The following PCDHGA10 variants were observed in gnomAD, a reference collection of about 807,000 sequenced individuals.
PCDHGA10 encodes protocadherin gamma subfamily A, 10.
In PCDHGA10, 42 loss-of-function variants were observed where a neutral mutation model predicts 59.5. The ratio of observed to expected loss-of-function variants is 0.71; its 90% CI spans 0.55 to 0.91. PCDHGA10 has a LOEUF of 0.91. Among genes scored for constraint, PCDHGA10 ranks in the 40% least tolerant of loss-of-function variants. The pLI is 0.00. For missense variants in PCDHGA10, 1,111 were observed against 1,198.2 expected, an observed-to-expected ratio of 0.93 and a Z score of 1.07; for synonymous variants, 511 against 517.2, an observed-to-expected ratio of 0.99 and a Z score of 0.16.
intron 1 of PCDHGA10, among the ~76,000 whole-genome samples, chr5:141,434,285 T>G (rs1358981946): frequency 6.6e-6 from 1 of 152,232 alleles, no homozygotes; most frequent in Non-Finnish European, 1.5e-5. Context: ...GTATTCTCTG[T>G]TTTTCCTGTA....
chr5:141,420,225 C>G, intron 1 of PCDHGA10: 1 of 1,603,470 alleles, frequency 6.2e-7, no homozygotes. Flanking sequence ...ATGCTACTGG[C>G]TAGCATTTTA....
intron 1 of PCDHGA10, among the ~76,000 whole-genome samples, chr5:141,436,781 A>T (rs1041532929): frequency 6.6e-6 from 1 of 152,236 alleles, no homozygotes; most frequent in Non-Finnish European, 1.5e-5. Context: ...TGTGGATGGA[A>T]ATAAAACTGT....
Position 141,454,796 on chromosome 5 carries a change from A to ATTT in PCDHGA10, c.2436+39212_2436+39214dup, listed in dbSNP as rs61612330. 3.3e-3 allele frequency among the ~76,000 whole-genome samples: 253 copies of ATTT among 77,450 alleles called. 31 individuals carry two copies. The highest frequency in any genetic ancestry group is 0.02 in the South Asian group (39 of 1,960). The allele number at this position is 77,450 out of a possible 152,430, so 50.8% of individuals were successfully genotyped here. ...AAGGAAATAATCCTCCATGGTTCTA[A>ATTT]TTTTTTTTTTTTTTTTTTTTTTTTT... On this transcript the variant is annotated intron_variant, in intron 1 of 3. Coordinates refer to ENST00000398610, the MANE Select transcript of PCDHGA10 (RefSeq NM_018913.3).
intron 1 of PCDHGA10, chr5:141,421,801 A>G (rs754191783): frequency 6.2e-7 from 1 of 1,613,858 alleles, no homozygotes; most frequent in Middle Eastern, 1.6e-4. Flanking sequence ...TGGGGCCAAG[A>G]ATCCAGAGCT....
chr5:141,475,984 G>A, intron 1 of PCDHGA10: 2 of 1,069,308 alleles, frequency 1.9e-6, no homozygotes, highest in Non-Finnish European at 2.7e-6. Flanking sequence ...AACAGCCGGC[G>A]AGCAAATCAA....
chr5:141,473,219 G>A (rs1198994780), intron 1 of PCDHGA10, among the ~76,000 whole-genome samples: 2 of 151,864 alleles, frequency 1.3e-5, no homozygotes, highest in Non-Finnish European at 2.9e-5. Flanking sequence ...TTACTTCCAG[G>A]GAGATTGGAT....
intron 1 of PCDHGA10, chr5:141,416,068 A>G (rs940843403): frequency 1.2e-5 from 2 of 173,694 alleles, no homozygotes; most frequent in Non-Finnish European, 2.4e-5. Context: ...AGAATACTCA[A>G]TGCAGTTCTT....
At position 141,477,130 on chromosome 5, in the gene PCDHGA10, G is replaced by C; in HGVS notation, c.2437-17677G>C. On this transcript the variant is annotated intron_variant, in intron 1 of 3. Coordinates refer to ENST00000398610, the MANE Select transcript of PCDHGA10 (RefSeq NM_018913.3). The surrounding 1 kb of genome is among the most constrained non-coding windows in gnomAD (Gnocchi z 4.9). ...ATCCCGAAGGAGCACATTGCAAAGT[G>C]TTGGTGGAGGTTGTGGATGTGAATG... 6.2e-7 allele frequency: 1 copy of C among 1,614,252 alleles called. No individual in the cohort carries two copies. The highest frequency in any genetic ancestry group is 2.2e-5 in the East Asian group (1 of 44,888).
chr5:141,467,788 A>G (rs2099151778), intron 1 of PCDHGA10, among the ~76,000 whole-genome samples: 1 of 152,020 alleles, frequency 6.6e-6, no homozygotes. Flanking sequence ...CCTCTCAAGT[A>G]GCTGGGACTA....
rs1408248560 is a variant in PCDHGA10 at position 141,475,829 on chromosome 5, G to C, written c.2437-18978G>C. On this transcript the variant is annotated intron_variant, in intron 1 of 3. Coordinates refer to ENST00000398610, the MANE Select transcript of PCDHGA10 (RefSeq NM_018913.3). ...AAAGTGAAGTTCCTGGCGCTAGCGC[G>C]TGTCCTGCTCAGAGAGCCCGGCGCT... The C allele has an allele frequency of 1.0e-5, 4 of 386,748 alleles. No individual in the cohort carries two copies. In the South Asian group the frequency reaches 1.4e-4, roughly 14 times the overall value. The allele number at this position is 386,748 out of a possible 1,614,324, so 24.0% of individuals were successfully genotyped here. A position where few individuals can be genotyped will look rare whatever the true frequency, so the allele number is the denominator to read the frequency against.
chr5:141,508,979 G>C (rs1317798009), intron 3 of PCDHGA10, among the ~76,000 whole-genome samples: 1 of 152,110 alleles, frequency 6.6e-6, no homozygotes, highest in Admixed American at 6.5e-5. Context: ...GCTGGGGGTG[G>C]GGGCCAGCTG....
chr5:141,413,958 G>C lies in PCDHGA10; in HGVS notation c.783G>C (p.Val261=). 6.2e-7 allele frequency: 1 copy of C among 1,613,392 alleles called. No homozygotes were observed. Among genetic ancestry groups the C allele is most frequent in the African/African-American group, 1.3e-5 (1 of 74,990 alleles). The change falls in exon 1 of 4, where the codon GTG becomes GTC. Residue 261 remains valine (V), a synonymous_variant. Transcript: ENST00000398610. The part of the protein sequence containing the change: ...YRVSVPENLP[V]GTQLLTVTAT... ...TGAGTGTTCCTGAGAATTTGCCTGT[G>C]GGCACTCAGCTGCTGACAGTCACAG...
At position 141,486,230 on chromosome 5, in the gene PCDHGA10, A is replaced by G. The variant is rs1463946178; in HGVS notation, c.2437-8577A>G. ...TGACAATGCCCCTTACATCACAGTG[A>G]CCTCAGAGCTTGGAACCCTCCCCGA... On this transcript the variant is annotated intron_variant, in intron 1 of 3. Coordinates refer to ENST00000398610, the MANE Select transcript of PCDHGA10 (RefSeq NM_018913.3). This position sits in a 1 kb window ranked among gnomAD's most constrained non-coding sequence, Gnocchi z 5.0. 2 of 1,613,898 alleles carry G rather than the reference A, an allele frequency of 1.2e-6. No individual in the cohort carries two copies. The highest frequency in any genetic ancestry group is 2.2e-5 in the East Asian group (1 of 44,878).
chr5:141,417,112 G>T (rs1399534957), intron 1 of PCDHGA10: 3 of 152,030 alleles, frequency 2.0e-5, no homozygotes, highest in African/African-American at 7.3e-5. Flanking sequence ...AGCAATACAG[G>T]ACACCCTGGA....
In PCDHGA10 at chr5:141,477,982, G is replaced by A; in HGVS notation, c.2437-16825G>A. ...CTAACCAGAGCCTTTTTGCCATAGG[G>A]CTGCACACTGGTCAAATCAGTACTG... is the stretch of plus-strand genomic sequence containing the variant. On this transcript the variant is annotated intron_variant, in intron 1 of 3. Transcript: ENST00000398610. The surrounding 1 kb of genome is among the most constrained non-coding windows in gnomAD (Gnocchi z 4.9). 6.2e-7 allele frequency: 1 copy of A among 1,614,066 alleles called. No individual in the cohort carries two copies. Among genetic ancestry groups the A allele is most frequent in the Non-Finnish European group, 8.5e-7 (1 of 1,180,014 alleles).
chr5:141,474,505 A>G (rs2099350724), intron 1 of PCDHGA10, among the ~76,000 whole-genome samples: 2 of 152,248 alleles, frequency 1.3e-5, no homozygotes, highest in Admixed American at 6.5e-5. Context: ...AATGCCTATC[A>G]GCCCTCTTGC....
intron 1 of PCDHGA10, chr5:141,419,512 G>T (rs754877872): frequency 3.7e-6 from 6 of 1,612,296 alleles, no homozygotes; most frequent in South Asian, 1.1e-5. Context: ...TGCGCGTGTT[G>T]GTGGGCGACC....
Position 141,432,806 on chromosome 5 carries a change from A to G in PCDHGA10, c.2436+17195A>G, listed in dbSNP as rs755248654. 12 of 1,614,070 alleles carry G rather than the reference A, an allele frequency of 7.4e-6. No individual in the cohort carries two copies. Among genetic ancestry groups the G allele is most frequent in the Non-Finnish European group, 9.3e-6 (11 of 1,179,972 alleles). On this transcript the variant is annotated intron_variant, in intron 1 of 3. Transcript: ENST00000398610. This position sits in a 1 kb window ranked among gnomAD's most constrained non-coding sequence, Gnocchi z 6.0. ...CCTCGGCAGCCTCGAGTCTCCAGCT[A>G]ACTCTGAAACCTCAGACCTCACTCT...
intron 1 of PCDHGA10, among the ~76,000 whole-genome samples, chr5:141,445,892 T>C (rs2154561169): frequency 6.6e-6 from 1 of 152,346 alleles, no homozygotes; most frequent in African/African-American, 2.4e-5. Context: ...TTAGGAGCTA[T>C]TAAAATATTT....
Sources: gnomAD v4.1 joint callset for allele counts (sites outside exome capture counted in the v4.1 genomes callset) on GRCh38, gnomAD v4.1.1 for gene constraint, Gnocchi (gnomAD v3.1) non-coding constraint, MANE v1.5 for transcripts, NCBI Gene and HGNC (gene_info 2026-07-23, HGNC 2026-07-21) for gene names.